PSG3: variants seen among roughly 807,000 people sequenced by gnomAD.
PSG3 encodes the protein pregnancy specific beta-1-glycoprotein 3, also known as pregnancy-specific beta-1-glycoprotein 3.
Under a neutral mutation model 47.5 loss-of-function variants are expected in PSG3, and 61 were observed. The observed-to-expected ratio is 1.28, with a 90% CI of 1.05 to 1.59. The LOEUF is 1.59. PSG3 is among the 40% of genes most tolerant of loss of function. PSG3 has a pLI of 0.00. For missense variants in PSG3, 756 were observed against 524.0 expected (o/e 1.44, Z -4.32); for synonymous variants, 263 against 198.4 (o/e 1.33, Z -2.74).
At chr19:42,726,114 T>G (rs753120297) in intron 5 of PSG3, among the ~76,000 whole-genome samples, 11 of 151,966 alleles carry the variant, frequency 7.2e-5, no homozygotes, top group Non-Finnish European at 1.3e-4. Context: ...TTTTTCATAA[T>G]AAAAACTTTC....
chr19:42,724,063 A>T, intron 5 of PSG3, 38 bp from the exon 6 acceptor site: 1 of 1,581,842 alleles, frequency 6.3e-7, no homozygotes, highest in Non-Finnish European at 8.7e-7. Flanking sequence ...AATGAAGATG[A>T]TGTTATTTTA....
Position 42,740,450 on chromosome 19 carries a change from T to G in PSG3, c.-66A>C, listed in dbSNP as rs577629208. ...CTAGGATCCAGAAACTTCCTGAGCATGGCTCTCAGCTGTGCTGTCCTTCCT... is the reference window on the plus strand; with the variant it reads ...CTAGGATCCAGAAACTTCCTGAGCAGGGCTCTCAGCTGTGCTGTCCTTCCT... On this transcript the variant is annotated 5_prime_UTR_variant, in exon 1 of 7. The change abolishes an upstream ATG in the 5' untranslated region. Coordinates refer to ENST00000327495, the MANE Select transcript of PSG3 (RefSeq NM_021016.4). 8.9e-5 allele frequency: 143 copies of G among 1,612,246 alleles called. No individual in the cohort carries two copies. Among genetic ancestry groups the G allele is most frequent in the Non-Finnish European group, 1.1e-4 (132 of 1,179,030 alleles).
intron 1 of PSG3, among the ~76,000 whole-genome samples, chr19:42,739,672 T>C (rs1969634970): frequency 6.6e-6 from 1 of 151,954 alleles, no homozygotes; most frequent in Admixed American, 6.5e-5. Context: ...CCCTGGGTGT[T>C]TTTTCTTCCC....
In PSG3 at chr19:42,729,698, A is replaced by T. The variant is rs1363027442; in HGVS notation, c.988+80T>A. On this transcript the variant is annotated intron_variant, in intron 4 of 6. Transcript: ENST00000327495. ...GTAATGGTATCTATACTTGGACCAG[A>T]GAGAGAGTGAGAGGCCTGGCCTCTG... 2.5e-6 allele frequency: 4 copies of T among 1,573,700 alleles called. No individual in the cohort carries two copies. In the Admixed American group the frequency reaches 7.2e-5, roughly 28 times the overall value.
intron 6 of PSG3, among the ~76,000 whole-genome samples, chr19:42,722,487 C>G (rs774010470): frequency 3.3e-4 from 50 of 152,180 alleles, no homozygotes; most frequent in Non-Finnish European, 6.2e-4. Flanking sequence ...ATCTCCTGAC[C>G]TTGTGATCCG....
intron 2 of PSG3, among the ~76,000 whole-genome samples, chr19:42,734,409 T>C (rs1264054832): frequency 6.6e-6 from 1 of 152,202 alleles, no homozygotes. Context: ...CATTTCAGAT[T>C]GTGGATTTCT....
chr19:42,739,239 GC>G (rs1446452141), intron 1 of PSG3, 150 bp from the exon 2 acceptor site: 7 of 1,289,782 alleles, frequency 5.4e-6, no homozygotes, highest in Non-Finnish European at 7.5e-6. Context: ...CACAAAAGGG[GC>G]ATGTGTATAT....
At chr19:42,730,876 T>A (rs1395760095) in intron 3 of PSG3, among the ~76,000 whole-genome samples, 3 of 152,228 alleles carry the variant, frequency 2.0e-5, no homozygotes, top group African/African-American at 4.8e-5. Context: ...CATTTGCAAA[T>A]GCAGCACTGA....
chr19:42,738,397 G>T (rs1005939752), intron 2 of PSG3, among the ~76,000 whole-genome samples: 48 of 152,316 alleles, frequency 3.2e-4, no homozygotes, highest in Non-Finnish European at 5.1e-4. Context: ...CTGAGGCCAA[G>T]CCCTACTCAG....
Position 42,729,846 on chromosome 19 carries a change from G to A in PSG3, c.920C>T (p.Pro307Leu), listed in dbSNP as rs774252017. ...TCGGTCCTGTATTTCACATTGATAGGGTCCTGTTTCATTTCTCGTGACACT... is the reference window on the plus strand; with the variant it reads ...TCGGTCCTGTATTTCACATTGATAGAGTCCTGTTTCATTTCTCGTGACACT... ...LPSVTRNETG[P>L]YQCEIQDRYG... The change falls in exon 4 of 7, where the codon CCC (proline) becomes CTC (leucine). Residue 307 changes from proline to leucine, a missense_variant. Transcript: ENST00000327495. The A allele has an allele frequency of 4.3e-6, 7 of 1,613,404 alleles. No individual in the cohort carries two copies. Among genetic ancestry groups the A allele is most frequent in the Middle Eastern group, 1.8e-4 (1 of 5,680 alleles).
In PSG3 at chr19:42,732,853, G is replaced by T. The variant is rs146152478; in HGVS notation, c.640C>A (p.Pro214Thr). ...GGGTTCCGTATTTCACATTCATAGG[G>T]TCCTGCAGTGTACTTTGTGACACCA... Reference protein sequence around the residue: ...LFGVTKYTAGPYECEIRNPVS... With the variant: ...LFGVTKYTAGTYECEIRNPVS... Residue 214 changes from proline to threonine, a missense_variant, in exon 3 of 7, where the codon CCC becomes ACC. Coordinates refer to ENST00000327495, the MANE Select transcript of PSG3 (RefSeq NM_021016.4). 1.7e-4 allele frequency: 276 copies of T among 1,614,120 alleles called. 1 individual carries two copies. The African/African-American group carries it at 3.2e-3, about 18-fold the overall frequency.
chr19:42,733,228 C>A (rs1007163356), intron 2 of PSG3, among the ~76,000 whole-genome samples, 166 bp from the exon 3 acceptor site: 1 of 152,088 alleles, frequency 6.6e-6, no homozygotes, highest in Non-Finnish European at 1.5e-5. Context: ...TCTGAGGGCT[C>A]AGAGATTGTG....
chr19:42,724,633 C>T (rs769023688), intron 5 of PSG3, among the ~76,000 whole-genome samples: 7 of 152,126 alleles, frequency 4.6e-5, no homozygotes, highest in Non-Finnish European at 7.4e-5. Flanking sequence ...TTCTTTTTCA[C>T]AGGAATCAGC....
chr19:42,723,229 T>G (rs1426096929), intron 6 of PSG3, among the ~76,000 whole-genome samples: 3 of 152,224 alleles, frequency 2.0e-5, no homozygotes, highest in Non-Finnish European at 4.4e-5. Context: ...TCCTAAAGTC[T>G]TAGTTCTCCA....
intron 3 of PSG3, chr19:42,732,031 T>C (rs1969480489): frequency 6.6e-6 from 1 of 152,178 alleles, no homozygotes; most frequent in Non-Finnish European, 1.5e-5. Context: ...GGGTTTTTGA[T>C]TTTCCCTCTC....
intron 5 of PSG3, among the ~76,000 whole-genome samples, chr19:42,726,885 A>T (rs1234575576): frequency 6.6e-6 from 1 of 152,246 alleles, no homozygotes; most frequent in Non-Finnish European, 1.5e-5. Flanking sequence ...TTCAGCATTT[A>T]CTACAAAGCC....
At chr19:42,730,128 A>G (rs1402364920) in intron 3 of PSG3, 72 bp from the exon 4 acceptor site, 3 of 1,589,264 alleles carry the variant, frequency 1.9e-6, no homozygotes, top group Admixed American at 3.4e-5. Flanking sequence ...CTTCAATCAG[A>G]GTTGGCATCT....
chr19:42,740,015 C>CGT (rs1969643832), intron 1 of PSG3, among the ~76,000 whole-genome samples: 2 of 151,712 alleles, frequency 1.3e-5, no homozygotes, highest in African/African-American at 4.8e-5. Context: ...TGCAGTGGCA[C>CGT]TATCTCGGCT....
At chr19:42,729,474 A>C in intron 4 of PSG3, 97 bp from the exon 5 acceptor site, 1 of 1,529,084 alleles carries the variant, frequency 6.5e-7, no homozygotes, top group South Asian at 1.3e-5. Context: ...GAGCCAAGAC[A>C]CACCCTCAAG....
Sources: allele counts gnomAD v4.1 joint callset (sites outside exome capture counted in the v4.1 genomes callset), GRCh38; gene constraint gnomAD v4.1.1; transcripts MANE v1.5; gene names NCBI Gene and HGNC (gene_info 2026-07-23, HGNC 2026-07-21).